SPTB: variants seen among roughly 807,000 people sequenced by gnomAD.
The protein encoded by SPTB is spectrin beta, erythrocytic.
A neutral mutation model predicts 256.2 loss-of-function variants in SPTB; 45 were observed. That is an observed-to-expected ratio of 0.18 (90% CI 0.14 to 0.23). The LOEUF (loss-of-function observed/expected upper bound fraction) is 0.23, where lower values mean the gene tolerates loss of function less well. Ranked by LOEUF, SPTB falls within the 10% of genes least tolerant of loss-of-function variation. The pLI, the probability that SPTB is intolerant of heterozygous loss-of-function variation, is 1.00. For synonymous variants in SPTB, 1,231 were observed against 1,243.1 expected, an observed-to-expected ratio of 0.99 and a Z score of 0.21; for missense variants, 2,715 against 3,040.4, an observed-to-expected ratio of 0.89 and a Z score of 2.52.
intron 2 of SPTB, among the ~76,000 whole-genome samples, chr14:64,815,001 C>T (rs1240294184): frequency 6.7e-6 from 1 of 148,482 alleles, no homozygotes; most frequent in African/African-American, 2.6e-5. Flanking sequence ...CCTCAGGTGG[C>T]AACTGGCAAG....
chr14:64,803,928 A>C, intron 3 of SPTB, 148 bp from the exon 4 acceptor site: 1 of 838,152 alleles, frequency 1.2e-6, no homozygotes, highest in Non-Finnish European at 1.8e-6. Context: ...GACACTATTC[A>C]ATGCTTTCCT....
At chr14:64,766,170 GTA>G (rs71123883) in intron 32 of SPTB, among the ~76,000 whole-genome samples, 3 of 147,686 alleles carry the variant, frequency 2.0e-5, no homozygotes, top group Non-Finnish European at 1.5e-5. Context: ...GTGTGTATGT[GTA>G]TGTGTGTGTG....
In SPTB at chr14:64,853,228, G is replaced by C. The variant is rs533111618; in HGVS notation, c.-52+26564C>G. Among the ~76,000 whole-genome samples the C allele has an allele frequency of 3.6e-4, 55 of 152,320 alleles. No homozygotes were observed. The highest frequency in any genetic ancestry group is 1.3e-3 in the African/African-American group (54 of 41,576). ...CTGAACCTGTGGAAATGAATGGCTG[G>C]AGACCAGAGAAATTTAGAGTCATTA... is the stretch of plus-strand genomic sequence containing the variant. On this transcript the variant is annotated intron_variant, in intron 1 of 35. Coordinates refer to ENST00000644917, the MANE Select transcript of SPTB (RefSeq NM_001355436.2). This position sits in a 1 kb window ranked among gnomAD's most constrained non-coding sequence, Gnocchi z 4.3.
chr14:64,766,761 C>G lies in SPTB; in HGVS notation c.6310G>C (p.Val2104Leu). The change falls in exon 32 of 36, where the codon GTT becomes CTT. Residue 2104 changes from valine (V) to leucine (L), a missense_variant. Val to Leu is a conservative substitution (Grantham distance 32). Around this residue, in one of 4 missense-constraint regions of SPTB, gnomAD observed 2,239 missense variants for 2,384.4 expected, o/e 0.94. Coordinates refer to ENST00000644917, the MANE Select transcript of SPTB (RefSeq NM_001355436.2). The stretch of plus-strand genomic sequence containing the variant: ...CTCTCGGTGGCCGCATGGTGGGAAA[C>G]TGGAGCCTCCCCTGCTGTCTCGCCT... ...EEGETAGEAP[V>L]SHHAATERTS... is the part of the protein sequence containing the mutation. 3 of 1,584,922 alleles carry G rather than the reference C, an allele frequency of 1.9e-6. No individual in the cohort carries two copies. The highest frequency in any genetic ancestry group is 2.6e-6 in the Non-Finnish European group (3 of 1,165,358).
intron 33 of SPTB, among the ~76,000 whole-genome samples, chr14:64,750,555 C>T (rs542161002): frequency 3.9e-5 from 6 of 151,986 alleles, no homozygotes; most frequent in East Asian, 1.9e-4. Context: ...GCGGGCGGAC[C>T]GCCTGAGGTC....
intron 1 of SPTB, among the ~76,000 whole-genome samples, chr14:64,836,862 A>G (rs2083530777): frequency 6.6e-6 from 1 of 152,232 alleles, no homozygotes. Flanking sequence ...CAGGGAACAC[A>G]TCTGAATAAA....
intron 15 of SPTB, among the ~76,000 whole-genome samples, chr14:64,791,303 T>C (rs190214277): frequency 6.6e-6 from 1 of 152,088 alleles, no homozygotes; most frequent in African/African-American, 2.4e-5. Context: ...CGCGGTGGCT[T>C]ATGCCTGTAA....
chr14:64,818,897 T>C (rs995107821), intron 2 of SPTB, among the ~76,000 whole-genome samples: 1 of 152,086 alleles, frequency 6.6e-6, no homozygotes. Flanking sequence ...GTCCAGAAAG[T>C]AGGAAGGTGC....
chr14:64,865,538 G>A (rs1882124258), intron 1 of SPTB, among the ~76,000 whole-genome samples: 1 of 152,030 alleles, frequency 6.6e-6, no homozygotes, highest in South Asian at 2.1e-4. Context: ...GCGTTTTCTG[G>A]GTCAGATGCG....
intron 15 of SPTB, among the ~76,000 whole-genome samples, chr14:64,789,878 G>A (rs562266761): frequency 6.6e-6 from 1 of 152,314 alleles, no homozygotes; most frequent in East Asian, 1.9e-4. Flanking sequence ...AATATGTAGA[G>A]GGAGGGAGAA....
rs1255157812 is a variant in SPTB, at chr14:64,749,721, C to T, written c.6777-25G>A. ...CCTAGGAGGACAAAGGGTTTCCTGT[C>T]ATGGAGACACCTCTGGAGGGGGCGC... On this transcript the variant is annotated intron_variant, in intron 34 of 35. Transcript: ENST00000644917. This position sits in a 1 kb window ranked among gnomAD's most constrained non-coding sequence, Gnocchi z 4.7. 1.2e-6 allele frequency: 2 copies of T among 1,612,260 alleles called. No homozygotes were observed. Among genetic ancestry groups the T allele is most frequent in the Non-Finnish European group, 1.7e-6 (2 of 1,179,314 alleles).
intron 29 of SPTB, 145 bp downstream of exon 29, chr14:64,768,889 G>A: frequency 1.3e-6 from 1 of 757,586 alleles, no homozygotes; most frequent in Non-Finnish European, 2.3e-6. Flanking sequence ...GAGGCCCCTG[G>A]CCCCAGAGCT....
At chr14:64,781,550 A>G (rs1243197573) in intron 20 of SPTB, among the ~76,000 whole-genome samples, 1 of 152,248 alleles carries the variant, frequency 6.6e-6, no homozygotes, top group Non-Finnish European at 1.5e-5. Context: ...GCTATTATTA[A>G]AAAGTCAAAA....
chr14:64,825,774 T>A lies in SPTB; in HGVS notation c.-51-2629A>T, dbSNP rs1006875589. On this transcript the variant is annotated intron_variant, in intron 1 of 35. Coordinates refer to ENST00000644917, the MANE Select transcript of SPTB (RefSeq NM_001355436.2). The surrounding 1 kb of genome is among the most constrained non-coding windows in gnomAD (Gnocchi z 4.8). ...TAAGTCTGCCCCAGAAAGATGAGCC[T>A]GAGCAGGCCGACCAGCAGGCCCAGC... Among the ~76,000 whole-genome samples, 1 of 152,212 alleles carries A rather than the reference T, an allele frequency of 6.6e-6. No individual in the cohort carries two copies. The highest frequency in any genetic ancestry group is 2.4e-5 in the African/African-American group (1 of 41,458).
chr14:64,794,402 T>G, intron 13 of SPTB, 65 bp downstream of exon 13: 1 of 1,594,454 alleles, frequency 6.3e-7, no homozygotes, highest in Non-Finnish European at 8.6e-7. Context: ...CCAAGTTGGG[T>G]TGTTAGGCCA....
intron 19 of SPTB, among the ~76,000 whole-genome samples, chr14:64,783,901 C>T (rs1202389499): frequency 6.6e-6 from 1 of 152,222 alleles, no homozygotes; most frequent in Admixed American, 6.5e-5. Context: ...GCCTATTCCT[C>T]CAGCCCTGTG....
Position 64,760,239 on chromosome 14 carries a change from G to T in SPTB, c.6346-6446C>A, listed in dbSNP as rs561613043. Among the ~76,000 whole-genome samples, 3 of 152,124 alleles carry T rather than the reference G, an allele frequency of 2.0e-5. No individual in the cohort carries two copies. The highest frequency in any genetic ancestry group is 4.4e-5 in the Non-Finnish European group (3 of 68,020). ...GCCTTGCTAGGAAACTGGCTTGGGT[G>T]GGGGAGGCAGGGGTTGGGGTCTTCA... is the stretch of plus-strand genomic sequence containing the variant. On this transcript the variant is annotated intron_variant, in intron 32 of 35. Coordinates refer to ENST00000644917, the MANE Select transcript of SPTB (RefSeq NM_001355436.2). The surrounding 1 kb of genome is among the most constrained non-coding windows in gnomAD (Gnocchi z 4.3).
chr14:64,799,802 C>T lies in SPTB; in HGVS notation c.1009G>A (p.Val337Ile), dbSNP rs1009915997. 3.0e-5 allele frequency: 48 copies of T among 1,614,118 alleles called. No individual in the cohort carries two copies. The highest frequency in any genetic ancestry group is 3.3e-4 in the Middle Eastern group (2 of 6,084). ...CTGAAGGCCTGCAGCTGCTGCTGGA[C>T]GCCCGTCAGCGAGTTGGCAAACTTG... Reference protein sequence around the residue: ...SRKFANSLTGVQQQLQAFSTY... With the variant: ...SRKFANSLTGIQQQLQAFSTY... The change falls in exon 9 of 36, where the codon GTC becomes ATC. Residue 337 changes from valine to isoleucine, a missense_variant. Physicochemically the swap from Val to Ile is conservative, Grantham distance 29. Coordinates refer to ENST00000644917, the MANE Select transcript of SPTB (RefSeq NM_001355436.2).
chr14:64,871,816 AGTTT>A (rs1208172914), intron 1 of SPTB, among the ~76,000 whole-genome samples: 1 of 152,220 alleles, frequency 6.6e-6, no homozygotes, highest in African/African-American at 2.4e-5. Context: ...CACGTACATG[AGTTT>A]ATTTTATAAT....
Sources: allele counts gnomAD v4.1 joint callset (sites outside exome capture counted in the v4.1 genomes callset), GRCh38; gene constraint gnomAD v4.1.1; regional missense constraint gnomAD v4.1.1; non-coding constraint Gnocchi (gnomAD v3.1); transcripts MANE v1.5; gene names NCBI Gene and HGNC (gene_info 2026-07-23, HGNC 2026-07-21).